OTUD7A: variants seen among roughly 807,000 people sequenced by gnomAD.
OTUD7A encodes the protein OTU deubiquitinase 7A.
OTUD7A carries 12 observed loss-of-function variants against 65.7 expected under a neutral mutation model. The observed-to-expected ratio is 0.18, with a 90% CI of 0.12 to 0.30. The LOEUF (loss-of-function observed/expected upper bound fraction) is 0.30, where lower values mean the gene tolerates loss of function less well. Ranked by LOEUF, OTUD7A falls within the 10% of genes least tolerant of loss-of-function variation. The pLI is 1.00. For missense variants in OTUD7A, 1,148 were observed against 1,304.8 expected, an observed-to-expected ratio of 0.88 and a Z score of 1.85; for synonymous variants, 641 against 586.3, an observed-to-expected ratio of 1.09 and a Z score of -1.35.
At chr15:31,671,690 A>T (rs1892487692) in intron 1 of OTUD7A, among the ~76,000 whole-genome samples, 1 of 151,822 alleles carries the variant, frequency 6.6e-6, no homozygotes, top group African/African-American at 2.4e-5. Flanking sequence ...GTTTCTTTTT[A>T]TGTGCTTTTT....
intron 1 of OTUD7A, among the ~76,000 whole-genome samples, chr15:31,779,694 G>A (rs1040565688): frequency 3.9e-5 from 6 of 152,046 alleles, no homozygotes; most frequent in African/African-American, 1.5e-4. Context: ...CTGAACATCG[G>A]CCTAGGTTGT....
chr15:31,636,524 C>A (rs542484927), intron 3 of OTUD7A, among the ~76,000 whole-genome samples: 1 of 152,144 alleles, frequency 6.6e-6, no homozygotes, highest in South Asian at 2.1e-4. Context: ...TATTAACAAC[C>A]CTAAAATGTC....
At chr15:31,730,557 G>A (rs1566992361) in intron 1 of OTUD7A, among the ~76,000 whole-genome samples, 1 of 152,194 alleles carries the variant, frequency 6.6e-6, no homozygotes, top group Non-Finnish European at 1.5e-5. Flanking sequence ...GTTGTCTGCT[G>A]CAGAATTTTA....
At chr15:31,488,703 C>T (rs879759771) in intron 10 of OTUD7A, among the ~76,000 whole-genome samples, 1 of 152,140 alleles carries the variant, frequency 6.6e-6, no homozygotes, top group Non-Finnish European at 1.5e-5. Flanking sequence ...TAGATCAAAT[C>T]GAAGACTGAA....
chr15:31,858,147 G>C (rs970757255), intron 1 of OTUD7A, among the ~76,000 whole-genome samples: 2 of 152,156 alleles, frequency 1.3e-5, no homozygotes, highest in African/African-American at 4.8e-5. Context: ...GCAGAAAGGT[G>C]AGGTCAAAAG....
At chr15:31,528,451 CAGA>C (rs1473565083) in intron 6 of OTUD7A, among the ~76,000 whole-genome samples, 2 of 152,224 alleles carry the variant, frequency 1.3e-5, no homozygotes, top group African/African-American at 2.4e-5. Flanking sequence ...GGAGAGTCTA[CAGA>C]AGGAGAGTAA....
At position 31,659,081 on chromosome 15, in the gene OTUD7A, AAAAT is replaced by A. The variant is rs563394544; in HGVS notation, c.-99-2008_-99-2005del. On this transcript the variant is annotated intron_variant, in intron 1 of 12. Coordinates refer to ENST00000307050, the MANE Select transcript of OTUD7A (RefSeq NM_001382637.1). ...TAAATAAATAAATAAATAAATAAATAAAATAAAATTAAAACTTCTGTTTCAATGA... is the reference window on the plus strand; with the variant it reads ...TAAATAAATAAATAAATAAATAAATAAAAATTAAAACTTCTGTTTCAATGA... Among the ~76,000 whole-genome samples the A allele has an allele frequency of 1.5e-3, 201 of 136,704 alleles. 2 individuals are homozygous for A. The highest frequency in any genetic ancestry group is 5.3e-3 in the African/African-American group (171 of 32,330). The allele number at this position is 136,704 out of a possible 152,430, so 89.7% of individuals were successfully genotyped here. A position where few individuals can be genotyped will look rare whatever the true frequency, so the allele number is the denominator to read the frequency against.
At chr15:31,581,046 T>G (rs1376420704) in intron 3 of OTUD7A, among the ~76,000 whole-genome samples, 4 of 152,182 alleles carry the variant, frequency 2.6e-5, no homozygotes, top group Admixed American at 2.6e-4. Flanking sequence ...GTTGGTTACT[T>G]CCGAGATACA....
At chr15:31,562,368 G>A (rs1888718489) in intron 4 of OTUD7A, among the ~76,000 whole-genome samples, 1 of 152,204 alleles carries the variant, frequency 6.6e-6, no homozygotes, top group South Asian at 2.1e-4. Flanking sequence ...CAGGGACCAG[G>A]CAGCCGGAGA....
At chr15:31,680,449 G>A (rs1892686123) in intron 1 of OTUD7A, among the ~76,000 whole-genome samples, 1 of 152,176 alleles carries the variant, frequency 6.6e-6, no homozygotes, top group Non-Finnish European at 1.5e-5. Flanking sequence ...CATTACAGGT[G>A]TCATCATGAA....
chr15:31,846,406 G>A (rs1897294200), intron 1 of OTUD7A, among the ~76,000 whole-genome samples: 1 of 152,180 alleles, frequency 6.6e-6, no homozygotes, highest in African/African-American at 2.4e-5. Flanking sequence ...TAAGAAAGCT[G>A]GAAGGAGCAC....
chr15:31,759,924 G>GA (rs1894917274), intron 1 of OTUD7A, among the ~76,000 whole-genome samples: 1 of 151,960 alleles, frequency 6.6e-6, no homozygotes, highest in South Asian at 2.1e-4. Flanking sequence ...AACATCACTG[G>GA]AAAAAAATCT....
intron 1 of OTUD7A, among the ~76,000 whole-genome samples, chr15:31,692,766 C>T (rs1163739448): frequency 4.0e-5 from 6 of 151,356 alleles, no homozygotes; most frequent in East Asian, 2.0e-4. Flanking sequence ...ATGTTTGTCA[C>T]GAAGCTTACC....
intron 3 of OTUD7A, among the ~76,000 whole-genome samples, chr15:31,637,352 CTGAA>C (rs1347826817): frequency 6.6e-6 from 1 of 152,198 alleles, no homozygotes; most frequent in Non-Finnish European, 1.5e-5. Flanking sequence ...CCTTGGTTTA[CTGAA>C]TATTTTAAGC....
intron 3 of OTUD7A, among the ~76,000 whole-genome samples, chr15:31,609,669 T>G (rs759023167): frequency 1.3e-5 from 2 of 152,152 alleles, no homozygotes; most frequent in African/African-American, 2.4e-5. Flanking sequence ...CATATACTCT[T>G]GGGAGTTCTA....
At chr15:31,701,588 T>C (rs1016794097) in intron 1 of OTUD7A, among the ~76,000 whole-genome samples, 59 of 151,490 alleles carry the variant, frequency 3.9e-4, no homozygotes, top group African/African-American at 1.3e-3. Flanking sequence ...AAGCCCAAAC[T>C]ACCTTAATTA....
intron 1 of OTUD7A, among the ~76,000 whole-genome samples, chr15:31,662,013 T>C (rs192908099): frequency 6.6e-6 from 1 of 152,218 alleles, no homozygotes; most frequent in East Asian, 1.9e-4. Context: ...CTCTATTTCA[T>C]GTAAATCAGC....
In OTUD7A at chr15:31,498,054, G is replaced by A. The variant is rs528105345; in HGVS notation, c.1171+3636C>T. Among the ~76,000 whole-genome samples, 1 of 152,194 alleles carries A rather than the reference G, an allele frequency of 6.6e-6. No individual in the cohort carries two copies. The highest frequency in any genetic ancestry group is 2.4e-5 in the African/African-American group (1 of 41,442). The stretch of plus-strand genomic sequence containing the variant: ...ATGTACACATGGGTATGCTCTGCAC[G>A]GCTCTATATCCACCCAAAGGGAAGA... On this transcript the variant is annotated intron_variant, in intron 10 of 12. Transcript: ENST00000307050. This position sits in a 1 kb window ranked among gnomAD's most constrained non-coding sequence, Gnocchi z 4.2.
At chr15:31,546,356 C>T (rs1251250649) in intron 5 of OTUD7A, among the ~76,000 whole-genome samples, 2 of 152,156 alleles carry the variant, frequency 1.3e-5, no homozygotes, top group Admixed American at 1.3e-4. Flanking sequence ...AAATCTTAAT[C>T]ACCAGTGTGG....
Sources: gnomAD v4.1 joint callset for allele counts (sites outside exome capture counted in the v4.1 genomes callset) on GRCh38, gnomAD v4.1.1 for gene constraint, Gnocchi (gnomAD v3.1) non-coding constraint, MANE v1.5 for transcripts, NCBI Gene and HGNC (gene_info 2026-07-23, HGNC 2026-07-21) for gene names.